The following FBN2 variants were observed in gnomAD, a reference collection of about 807,000 sequenced individuals.
The protein encoded by FBN2 is fibrillin 2.
In FBN2, 105 loss-of-function variants were observed where a neutral mutation model predicts 355.6. That is an observed-to-expected ratio of 0.30 (90% CI 0.25 to 0.35). The LOEUF (loss-of-function observed/expected upper bound fraction) is 0.35. Ranked by LOEUF, FBN2 falls within the 10% of genes least tolerant of loss-of-function variation. The pLI, the probability that FBN2 is intolerant of heterozygous loss-of-function variation, is 1.00. For missense variants in FBN2, 3,280 were observed against 3,758.7 expected (o/e 0.87, Z 3.33); for synonymous variants, 1,350 against 1,301.2 (o/e 1.04, Z -0.81).
At chr5:128,353,974 C>T (rs1287750169) in intron 20 of FBN2, among the ~76,000 whole-genome samples, 2 of 152,160 alleles carry the variant, frequency 1.3e-5, no homozygotes, top group Non-Finnish European at 2.9e-5. Flanking sequence ...TCTCCGATTC[C>T]TTTCCTCCAT....
At chr5:128,515,550 C>A (rs192247260) in intron 5 of FBN2, among the ~76,000 whole-genome samples, 1 of 152,092 alleles carries the variant, frequency 6.6e-6, no homozygotes, top group African/African-American at 2.4e-5. Flanking sequence ...CTTCTCAGCA[C>A]GCTTTTAGAC....
chr5:128,374,681 C>T lies in FBN2; in HGVS notation c.2042G>A (p.Arg681His), dbSNP rs548605398. The change falls in exon 15 of 65, where the codon CGC becomes CAC. Residue 681 changes from arginine to histidine, a missense_variant. Physicochemically the swap from Arg to His is conservative, Grantham distance 29 (BLOSUM62 0). Transcript: ENST00000262464. ...AGCCAGGCCTGGGGGACAGTCACAG[C>T]GGAAGGACCCTTCACTGTTGATGCA... ...GHCINSEGSF[R>H]CDCPPGLAVG... The T allele has an allele frequency of 6.3e-4, 1,010 of 1,613,918 alleles. 14 individuals are homozygous for T. The South Asian group carries it at 9.5e-3, about 15-fold the overall frequency.
chr5:128,341,771 C>T, intron 25 of FBN2, among the ~76,000 whole-genome samples: 1 of 152,190 alleles, frequency 6.6e-6, no homozygotes, highest in Non-Finnish European at 1.5e-5. Context: ...GGAGCAAGCC[C>T]CGATAAACTT....
chr5:128,343,708 G>A (rs1342341063), intron 25 of FBN2, among the ~76,000 whole-genome samples: 1 of 152,162 alleles, frequency 6.6e-6, no homozygotes, highest in Admixed American at 6.5e-5. Context: ...AGGAAAAGAA[G>A]TAATAACTTC....
intron 5 of FBN2, among the ~76,000 whole-genome samples, chr5:128,486,008 C>T (rs540748117): frequency 6.6e-6 from 1 of 152,252 alleles, no homozygotes; most frequent in East Asian, 1.9e-4. Flanking sequence ...TCAAACTTAT[C>T]ATTTAAGTAC....
intron 5 of FBN2, among the ~76,000 whole-genome samples, chr5:128,509,776 A>G (rs2127150502): frequency 6.6e-6 from 1 of 152,296 alleles, no homozygotes; most frequent in Non-Finnish European, 1.5e-5. Context: ...CAGCCAGAGC[A>G]GCATTTAGTC....
At chr5:128,386,080 T>C (rs1176605255) in intron 11 of FBN2, among the ~76,000 whole-genome samples, 1 of 152,138 alleles carries the variant, frequency 6.6e-6, no homozygotes, top group Non-Finnish European at 1.5e-5. Context: ...GGAATCATTG[T>C]CATAAAATCT....
chr5:128,259,970 A>G (rs1214679820), intron 64 of FBN2, 141 bp from the exon 65 acceptor site: 1 of 829,624 alleles, frequency 1.2e-6, no homozygotes, highest in East Asian at 2.5e-5. Context: ...CCTTACCAGC[A>G]GTGGCTGTGA....
chr5:128,357,441 C>G, intron 19 of FBN2, 46 bp from the exon 20 acceptor site: 1 of 1,612,114 alleles, frequency 6.2e-7, no homozygotes, highest in Non-Finnish European at 8.5e-7. Context: ...CCATGTGTTT[C>G]TGGAAAATAT....
intron 7 of FBN2, among the ~76,000 whole-genome samples, chr5:128,444,054 C>CTTTTTTTTTTTTTTT (rs35768962): frequency 1.5e-5 from 1 of 65,624 alleles, no homozygotes; most frequent in African/African-American, 6.2e-5. Flanking sequence ...ATCACTTGTT[C>CTTTTTTTTTTTTTTT]TTTTTTTTTT....
intron 48 of FBN2, among the ~76,000 whole-genome samples, chr5:128,294,069 T>C (rs1013126728): frequency 6.6e-5 from 10 of 151,724 alleles, no homozygotes; most frequent in Non-Finnish European, 1.3e-4. Context: ...TTCCCACCTA[T>C]GAGTGAGAAT....
chr5:128,454,700 C>T (rs1416881594), intron 6 of FBN2, among the ~76,000 whole-genome samples: 1 of 152,192 alleles, frequency 6.6e-6, no homozygotes, highest in African/African-American at 2.4e-5. Flanking sequence ...GCACTAACGC[C>T]ATATGAAAAG....
chr5:128,508,562 C>A (rs191681367), intron 5 of FBN2, among the ~76,000 whole-genome samples: 1 of 152,130 alleles, frequency 6.6e-6, no homozygotes, highest in Non-Finnish European at 1.5e-5. Context: ...ATCTACTCTA[C>A]ACCCCATAGG....
chr5:128,363,711 G>T (rs1690384905), intron 18 of FBN2, among the ~76,000 whole-genome samples: 1 of 152,174 alleles, frequency 6.6e-6, no homozygotes, highest in Non-Finnish European at 1.5e-5. Flanking sequence ...TTCACTTCTG[G>T]AGAATAAAAA....
chr5:128,343,659 G>A (rs961711608), intron 25 of FBN2, among the ~76,000 whole-genome samples: 1 of 152,186 alleles, frequency 6.6e-6, no homozygotes, highest in Non-Finnish European at 1.5e-5. Context: ...GGTATGGATG[G>A]TGACTGAAAA....
intron 5 of FBN2, among the ~76,000 whole-genome samples, chr5:128,507,621 C>A (rs1040678307): frequency 3.3e-5 from 5 of 151,876 alleles, no homozygotes; most frequent in Admixed American, 3.3e-4. Context: ...TGAGCTTTGG[C>A]GATATATGTC....
intron 5 of FBN2, among the ~76,000 whole-genome samples, chr5:128,480,607 G>A (rs944986405): frequency 2.0e-5 from 3 of 152,142 alleles, no homozygotes; most frequent in Admixed American, 2.0e-4. Context: ...CTACTCGGGA[G>A]GCTGAGGTGG....
intron 4 of FBN2, among the ~76,000 whole-genome samples, chr5:128,526,851 C>CTA (rs1365196171): frequency 2.0e-5 from 3 of 152,056 alleles, no homozygotes; most frequent in African/African-American, 7.2e-5. Flanking sequence ...TGCCACTGAA[C>CTA]TATACACTTA....
chr5:128,444,054 C>CTTTTTTTTTTTTT (rs35768962), intron 7 of FBN2, among the ~76,000 whole-genome samples: 4 of 65,624 alleles, frequency 6.1e-5, no homozygotes, highest in South Asian at 5.6e-4. Context: ...ATCACTTGTT[C>CTTTTTTTTTTTTT]TTTTTTTTTT....
Sources: gnomAD v4.1 joint callset for allele counts (sites outside exome capture counted in the v4.1 genomes callset) on GRCh38, gnomAD v4.1.1 for gene constraint, MANE v1.5 for transcripts, NCBI Gene and HGNC (gene_info 2026-07-23, HGNC 2026-07-21) for gene names.